The following ASIC2 variants were observed in gnomAD, a reference collection of about 807,000 sequenced individuals.
ASIC2 encodes acid-sensing ion channel 2.
ASIC2 carries 25 observed loss-of-function variants against 57.3 expected under a neutral mutation model. The ratio of observed to expected loss-of-function variants is 0.44; its 90% CI spans 0.32 to 0.61. ASIC2 has a LOEUF of 0.61. ASIC2 is among the 20% of genes least tolerant of loss of function. ASIC2 has a pLI of 0.06. For synonymous variants in ASIC2, 319 were observed against 307.5 expected (o/e 1.04, Z -0.39); for missense variants, 641 against 738.1 (o/e 0.87, Z 1.52).
chr17:33,295,251 C>G (rs1163434297), upstream of ASIC2, among the ~76,000 whole-genome samples: 1 of 152,174 alleles, frequency 6.6e-6, no homozygotes, highest in Non-Finnish European at 1.5e-5. Flanking sequence ...CAGATGGTAG[C>G]TCTTTCAGGG....
chr17:33,847,914 T>A lies in ASIC2; in HGVS notation c.555+308064A>T, dbSNP rs956420184. On this transcript the variant is annotated intron_variant, in intron 1 of 9. Coordinates refer to the ASIC2 transcript ENST00000359872. ...GTACAGGAAGCATCTGGGCAGGAGA[T>A]GCAAATGCAAATATATGGGGAGGAA... Among the ~76,000 whole-genome samples the A allele has an allele frequency of 6.6e-5, 10 of 152,106 alleles. No homozygotes were observed. In the South Asian group the frequency reaches 1.7e-3, roughly 25 times the overall value.
chr17:33,981,481 T>C (rs969223626), intron 1 of ASIC2, among the ~76,000 whole-genome samples: 7 of 152,222 alleles, frequency 4.6e-5, no homozygotes, highest in African/African-American at 1.7e-4. Flanking sequence ...ACGAGGAAAC[T>C]GAGGCTTGAA....
chr17:33,973,002 C>G (rs1029247706), intron 1 of ASIC2, among the ~76,000 whole-genome samples: 1 of 152,204 alleles, frequency 6.6e-6, no homozygotes, highest in African/African-American at 2.4e-5. Flanking sequence ...TGGTCAGCAC[C>G]AGAGTTATGC....
At chr17:33,644,663 G>A (rs1906685754) in intron 1 of ASIC2, among the ~76,000 whole-genome samples, 1 of 152,152 alleles carries the variant, frequency 6.6e-6, no homozygotes, top group Non-Finnish European at 1.5e-5. Context: ...AAATGGATAA[G>A]GTATGTTTAG....
intron 1 of ASIC2, among the ~76,000 whole-genome samples, chr17:33,356,335 G>A (rs1299275888): frequency 6.6e-6 from 1 of 152,156 alleles, no homozygotes; most frequent in Admixed American, 6.5e-5. Context: ...GGGGCTCAAG[G>A]AAGTTCTCCC....
chr17:33,419,125 A>G (rs1460261423), intron 1 of ASIC2, among the ~76,000 whole-genome samples: 1 of 152,236 alleles, frequency 6.6e-6, no homozygotes, highest in Non-Finnish European at 1.5e-5. Context: ...CAGAGACATC[A>G]GAGAAAGAGG....
At position 33,291,682 on chromosome 17, in the gene ASIC2, C is replaced by T; in HGVS notation, c.434G>A (p.Arg145His). 6.2e-7 allele frequency: 1 copy of T among 1,613,446 alleles called. No individual in the cohort carries two copies. The highest frequency in any genetic ancestry group is 8.5e-7 in the Non-Finnish European group (1 of 1,179,870). The change falls in exon 1 of 10, where the codon CGC (arginine) becomes CAC (histidine). Residue 145 changes from arginine (R) to histidine (H), a missense_variant. Coordinates refer to ENST00000225823, the MANE Select transcript of ASIC2 (RefSeq NM_183377.2). ...VCNNNPLRFP[R>H]LSKGDLYYAG... ...ATAGTAGAGGTCCCCCTTGGAGAGG[C>T]GCGGGAAGCGCAGCGGGTTGTTGTT...
At chr17:33,551,352 G>T (rs1348933024) in intron 1 of ASIC2, among the ~76,000 whole-genome samples, 1 of 152,152 alleles carries the variant, frequency 6.6e-6, no homozygotes, top group Non-Finnish European at 1.5e-5. Context: ...TCAGGACGCT[G>T]TTAGGACTCA....
chr17:33,475,968 G>A (rs1016061622), intron 1 of ASIC2, among the ~76,000 whole-genome samples: 2 of 152,110 alleles, frequency 1.3e-5, no homozygotes, highest in Non-Finnish European at 2.9e-5. Flanking sequence ...GACTTACACC[G>A]ACATCATGAG....
chr17:33,526,920 T>G (rs1275469936), intron 1 of ASIC2, among the ~76,000 whole-genome samples: 1 of 152,238 alleles, frequency 6.6e-6, no homozygotes, highest in Non-Finnish European at 1.5e-5. Context: ...ACAGGCAGAT[T>G]CCTCATGCTG....
chr17:33,505,165 G>T (rs1185704115), intron 1 of ASIC2, among the ~76,000 whole-genome samples: 2 of 152,118 alleles, frequency 1.3e-5, no homozygotes, highest in Non-Finnish European at 2.9e-5. Flanking sequence ...GGGCACGTGA[G>T]CAGTAGTCCT....
chr17:33,051,691 C>A (rs576432435), intron 3 of ASIC2, among the ~76,000 whole-genome samples: 2 of 152,104 alleles, frequency 1.3e-5, no homozygotes, highest in East Asian at 3.9e-4. Flanking sequence ...ATAGGAATAC[C>A]ATTCTTCATC....
intron 1 of ASIC2, among the ~76,000 whole-genome samples, chr17:33,653,148 TGTC>T (rs1448319284): frequency 6.6e-6 from 1 of 152,208 alleles, no homozygotes; most frequent in Non-Finnish European, 1.5e-5. Flanking sequence ...CTGGAACCAT[TGTC>T]GTGATTTCCA....
At chr17:33,033,241 C>T (rs1236921393) in intron 3 of ASIC2, among the ~76,000 whole-genome samples, 1 of 152,152 alleles carries the variant, frequency 6.6e-6, no homozygotes, top group Non-Finnish European at 1.5e-5. Flanking sequence ...GCTGCAGACC[C>T]AGGCCTCCTG....
chr17:33,448,686 C>T (rs747971855), intron 1 of ASIC2, among the ~76,000 whole-genome samples: 3 of 152,236 alleles, frequency 2.0e-5, no homozygotes, highest in Non-Finnish European at 2.9e-5. Context: ...CCCACTGAAA[C>T]AGGCTTCAGA....
intron 1 of ASIC2, among the ~76,000 whole-genome samples, chr17:33,431,468 G>C (rs1911416806): frequency 1.4e-5 from 2 of 139,198 alleles, no homozygotes; most frequent in Non-Finnish European, 3.2e-5. Context: ...CCCAGGCATG[G>C]TGGCACACAC....
chr17:33,056,232 T>C (rs1414027927), intron 3 of ASIC2, among the ~76,000 whole-genome samples: 1 of 152,218 alleles, frequency 6.6e-6, no homozygotes, highest in African/African-American at 2.4e-5. Context: ...GAGATTTTGC[T>C]GTAGCCACAG....
At chr17:33,043,353 C>A (rs1012525237) in intron 3 of ASIC2, among the ~76,000 whole-genome samples, 12 of 152,238 alleles carry the variant, frequency 7.9e-5, no homozygotes, top group Non-Finnish European at 1.2e-4. Flanking sequence ...ACATCCTAAT[C>A]TTGGCTCTGC....
intron 1 of ASIC2, among the ~76,000 whole-genome samples, chr17:33,816,142 G>T (rs1397058525): frequency 9.3e-6 from 1 of 106,998 alleles, no homozygotes; most frequent in Admixed American, 1.5e-4. Context: ...CACATGAGTT[G>T]TTTCCTGAGT....
Sources: allele counts gnomAD v4.1 joint callset (sites outside exome capture counted in the v4.1 genomes callset), GRCh38; gene constraint gnomAD v4.1.1; transcripts MANE v1.5; gene names NCBI Gene and HGNC (gene_info 2026-07-23, HGNC 2026-07-21).